The following ZNF804B variants were observed in gnomAD, a reference collection of about 807,000 sequenced individuals.
ZNF804B encodes the protein zinc finger 804B.
A neutral mutation model predicts 101.4 loss-of-function variants in ZNF804B; 80 were observed. That is an observed-to-expected ratio of 0.79 (90% CI 0.66 to 0.95). The LOEUF (loss-of-function observed/expected upper bound fraction) is 0.95, where lower values mean the gene tolerates loss of function less well. Among genes scored for constraint, ZNF804B ranks in the 40% least tolerant of loss-of-function variants. The probability of loss-of-function intolerance (pLI) is 0.00; values close to 1 mark genes in which losing one functional copy is unlikely to be tolerated. For synonymous variants in ZNF804B, 622 were observed against 558.8 expected, an observed-to-expected ratio of 1.11 and a Z score of -1.59; for missense variants, 1,673 against 1,561.9, an observed-to-expected ratio of 1.07 and a Z score of -1.20.
At chr7:88,837,782 G>A (rs1482122760) in intron 1 of ZNF804B, among the ~76,000 whole-genome samples, 1 of 151,676 alleles carries the variant, frequency 6.6e-6, no homozygotes, top group Non-Finnish European at 1.5e-5. Flanking sequence ...ATAACATATT[G>A]CAACAGATTG....
rs765975919 is a variant in ZNF804B, at chr7:88,760,098, G to GCA, written c.108+21_108+22dup. On this transcript the variant is annotated intron_variant, in intron 1 of 3. Transcript: ENST00000333190. ...TCTCCCTCTCCGGTAATGTGCGCGC[G>GCA]CACACACATACATACACAAACGTTC... 3.9e-5 allele frequency: 62 copies of GCA among 1,599,378 alleles called. No individual in the cohort carries two copies. The African/African-American group carries it at 8.3e-4, about 21-fold the overall frequency.
At chr7:89,086,894 A>G (rs62464195) in intron 1 of ZNF804B, among the ~76,000 whole-genome samples, 23,586 of 151,904 alleles carry the variant, frequency 0.16, 2,135 homozygotes, top group East Asian at 0.27. Context: ...TGATGAGTTA[A>G]TGGGTGCAGC....
At chr7:88,973,017 A>C (rs1307534353) in intron 1 of ZNF804B, among the ~76,000 whole-genome samples, 4 of 151,398 alleles carry the variant, frequency 2.6e-5, no homozygotes, top group African/African-American at 4.8e-5. Flanking sequence ...ACAGTGAATG[A>C]CACATAGATA....
intron 1 of ZNF804B, among the ~76,000 whole-genome samples, chr7:88,880,353 C>T (rs1353352330): frequency 1.3e-5 from 2 of 152,060 alleles, no homozygotes; most frequent in Non-Finnish European, 2.9e-5. Flanking sequence ...TTGGTTTTGG[C>T]AAAGCAGATG....
intron 3 of ZNF804B, among the ~76,000 whole-genome samples, chr7:89,332,537 A>C (rs1173611484): frequency 6.6e-6 from 1 of 152,008 alleles, no homozygotes; most frequent in East Asian, 1.9e-4. Context: ...CTTCTTTTAT[A>C]GTAGAGGGTA....
At chr7:88,870,634 G>C (rs1791808514) in intron 1 of ZNF804B, among the ~76,000 whole-genome samples, 1 of 152,066 alleles carries the variant, frequency 6.6e-6, no homozygotes, top group African/African-American at 2.4e-5. Flanking sequence ...AGGGAGTCTT[G>C]AAAATGCAGA....
chr7:89,219,979 ACATATGTGTGCATATATGTATATG>A lies in ZNF804B; in HGVS notation c.249+1687_249+1710del, dbSNP rs1234528079. Among the ~76,000 whole-genome samples the A allele has an allele frequency of 7.4e-4, 59 of 80,094 alleles. 5 individuals carry two copies. The highest frequency in any genetic ancestry group is 2.7e-3 in the African/African-American group (50 of 18,466). The allele number at this position is 80,094 out of a possible 152,430, so 52.5% of individuals were successfully genotyped here. On this transcript the variant is annotated intron_variant, in intron 2 of 3. Transcript: ENST00000333190. ...TATATGTGTGCATATATATGTATAT[ACATATGTGTGCATATATGTATATG>A]CACATATATGTGTGTATACATATAT...
At chr7:89,054,483 A>G (rs1789260355) in intron 1 of ZNF804B, among the ~76,000 whole-genome samples, 2 of 151,854 alleles carry the variant, frequency 1.3e-5, no homozygotes, top group South Asian at 4.1e-4. Flanking sequence ...ATTTTCTTTT[A>G]AAGATTAGCA....
intron 1 of ZNF804B, among the ~76,000 whole-genome samples, chr7:88,961,759 A>AGTAAAGAAAAATGATGATT (rs1198064370): frequency 6.6e-6 from 1 of 151,362 alleles, no homozygotes; most frequent in Admixed American, 6.6e-5. Flanking sequence ...AAAAGCAAAA[A>AGTAAAGAAAAATGATGATT]GTAAAGAAAA....
At chr7:89,186,204 T>C (rs959860121) in intron 1 of ZNF804B, among the ~76,000 whole-genome samples, 3 of 152,068 alleles carry the variant, frequency 2.0e-5, no homozygotes, top group Non-Finnish European at 4.4e-5. Flanking sequence ...AGAAAGTATT[T>C]ATAAAACAAA....
chr7:89,022,792 G>A (rs1204280474), intron 1 of ZNF804B, among the ~76,000 whole-genome samples: 5 of 152,158 alleles, frequency 3.3e-5, no homozygotes, highest in Non-Finnish European at 5.9e-5. Flanking sequence ...AAGCAAGGCA[G>A]AACGATAAGT....
At chr7:89,147,909 T>A (rs1250103298) in intron 1 of ZNF804B, among the ~76,000 whole-genome samples, 1 of 151,942 alleles carries the variant, frequency 6.6e-6, no homozygotes, top group African/African-American at 2.4e-5. Flanking sequence ...TATGCTGAGT[T>A]GTATAATTAT....
At chr7:88,942,564 G>C (rs1477439067) in intron 1 of ZNF804B, among the ~76,000 whole-genome samples, 2 of 145,012 alleles carry the variant, frequency 1.4e-5, no homozygotes, top group African/African-American at 5.1e-5. Context: ...TCTTTGTTCT[G>C]TTCACTGATA....
At chr7:88,842,340 A>G in intron 1 of ZNF804B, among the ~76,000 whole-genome samples, 1 of 152,192 alleles carries the variant, frequency 6.6e-6, no homozygotes, top group East Asian at 1.9e-4. Context: ...AAGTGAGATT[A>G]CAGAAACCAG....
chr7:89,263,766 G>A (rs1448342511), intron 2 of ZNF804B, among the ~76,000 whole-genome samples: 1 of 152,094 alleles, frequency 6.6e-6, no homozygotes, highest in East Asian at 1.9e-4. Context: ...GGAGTTATGT[G>A]GTCACAAGCC....
intron 1 of ZNF804B, among the ~76,000 whole-genome samples, chr7:88,938,513 G>A (rs996623394): frequency 1.3e-5 from 2 of 151,912 alleles, no homozygotes; most frequent in Non-Finnish European, 2.9e-5. Context: ...ACCAGAGTCA[G>A]GTTGGAAAAT....
chr7:88,855,593 A>G (rs1199837390), intron 1 of ZNF804B, among the ~76,000 whole-genome samples: 3 of 152,004 alleles, frequency 2.0e-5, no homozygotes, highest in East Asian at 3.9e-4. Flanking sequence ...TGCTGTGCAG[A>G]AGTTCTTTAG....
chr7:88,766,903 T>C (rs1264226544), intron 1 of ZNF804B, among the ~76,000 whole-genome samples: 1 of 134,720 alleles, frequency 7.4e-6, no homozygotes. Flanking sequence ...GCCAGTTTTC[T>C]TTTTTTCTTT....
At chr7:89,277,807 C>T (rs1183146109) in intron 2 of ZNF804B, among the ~76,000 whole-genome samples, 2 of 151,952 alleles carry the variant, frequency 1.3e-5, no homozygotes, top group African/African-American at 4.8e-5. Context: ...CCGAAATAAA[C>T]ATACGTGTGC....
Sources: allele counts gnomAD v4.1 joint callset (sites outside exome capture counted in the v4.1 genomes callset), GRCh38; gene constraint gnomAD v4.1.1; transcripts MANE v1.5; gene names NCBI Gene and HGNC (gene_info 2026-07-23, HGNC 2026-07-21).